Variants in ELF5 observed in about 807,000 individuals in gnomAD.
The protein encoded by ELF5 is ETS-related transcription factor Elf-5.
ELF5 carries 31 observed loss-of-function variants against 38.2 expected under a neutral mutation model. The observed-to-expected ratio is 0.81, with a 90% CI of 0.61 to 1.10. ELF5 has a LOEUF of 1.10. Ranked by LOEUF, ELF5 falls within the 50% of genes least tolerant of loss-of-function variation. The pLI is 0.00. For synonymous variants in ELF5, 121 were observed against 112.5 expected, an observed-to-expected ratio of 1.08 and a Z score of -0.48; for missense variants, 300 against 306.6, an observed-to-expected ratio of 0.98 and a Z score of 0.16.
At chr11:34,512,127 TC>T (rs1458825744) in intron 1 of ELF5, among the ~76,000 whole-genome samples, 1 of 152,106 alleles carries the variant, frequency 6.6e-6, no homozygotes, top group Non-Finnish European at 1.5e-5. Context: ...CCCTTGGACC[TC>T]CCTAAGAAGG....
At chr11:34,485,351 C>G (rs1056383835) in intron 4 of ELF5, among the ~76,000 whole-genome samples, 5 of 152,240 alleles carry the variant, frequency 3.3e-5, no homozygotes, top group Non-Finnish European at 5.9e-5. Flanking sequence ...CAGATGCTCA[C>G]TCAACCTTCC....
At chr11:34,502,920 G>A (rs2133896798) in intron 2 of ELF5, among the ~76,000 whole-genome samples, 1 of 152,326 alleles carries the variant, frequency 6.6e-6, no homozygotes, top group East Asian at 1.9e-4. Flanking sequence ...GAAGCCTCTG[G>A]CCAGAGAGCT....
intron 1 of ELF5, among the ~76,000 whole-genome samples, chr11:34,508,284 T>C (rs2924480): frequency 0.52 from 78,271 of 151,830 alleles, 22,341 homozygotes; most frequent in African/African-American, 0.77. Context: ...GGTGGGTCAC[T>C]TGAGGTCAGG....
At chr11:34,503,082 G>T (rs918625442) in intron 2 of ELF5, among the ~76,000 whole-genome samples, 1 of 152,178 alleles carries the variant, frequency 6.6e-6, no homozygotes, top group African/African-American at 2.4e-5. Flanking sequence ...ACAGTTCAGT[G>T]GCATTAAGTA....
At chr11:34,510,935 A>T (rs955311209) in intron 1 of ELF5, among the ~76,000 whole-genome samples, 11 of 152,152 alleles carry the variant, frequency 7.2e-5, no homozygotes, top group African/African-American at 2.4e-4. Flanking sequence ...CATACTTTTC[A>T]TTTTGTGAGG....
chr11:34,493,444 C>G, intron 3 of ELF5, 35 bp downstream of exon 3: 1 of 1,592,066 alleles, frequency 6.3e-7, no homozygotes, highest in Non-Finnish European at 8.6e-7. Flanking sequence ...TAATCCTGGT[C>G]CCTCCCCTGG....
intron 2 of ELF5, among the ~76,000 whole-genome samples, chr11:34,501,059 A>G (rs1850453873): frequency 6.6e-6 from 1 of 152,226 alleles, no homozygotes; most frequent in Non-Finnish European, 1.5e-5. Flanking sequence ...CAAAGGGAGA[A>G]AGTAAGGCTC....
At chr11:34,503,509 C>T (rs972535359) in intron 2 of ELF5, among the ~76,000 whole-genome samples, 7 of 151,646 alleles carry the variant, frequency 4.6e-5, no homozygotes, top group Non-Finnish European at 1.0e-4. Flanking sequence ...AGTGCAGTGG[C>T]GTGACTGCAG....
At chr11:34,495,073 G>A (rs1324825945) in intron 2 of ELF5, among the ~76,000 whole-genome samples, 2 of 152,186 alleles carry the variant, frequency 1.3e-5, no homozygotes, top group Non-Finnish European at 2.9e-5. Flanking sequence ...AAGAACCCAC[G>A]CCAGCGTGTG....
chr11:34,486,586 A>G (rs1206267795), intron 4 of ELF5, among the ~76,000 whole-genome samples: 4 of 152,170 alleles, frequency 2.6e-5, no homozygotes, highest in Non-Finnish European at 5.9e-5. Flanking sequence ...GTGTGTGTGC[A>G]TGTGTGAGTG....
intron 4 of ELF5, among the ~76,000 whole-genome samples, chr11:34,489,180 A>G (rs1184307550): frequency 6.6e-6 from 1 of 152,260 alleles, no homozygotes; most frequent in Non-Finnish European, 1.5e-5. Context: ...ACGAAATTCC[A>G]AAAACTTTTG....
chr11:34,482,340 A>G (rs777286917), intron 5 of ELF5, 91 bp downstream of exon 5: 30 of 1,251,616 alleles, frequency 2.4e-5, no homozygotes, highest in Non-Finnish European at 3.3e-5. Context: ...GTCCAACTCA[A>G]ACATTTAGTT....
Position 34,511,801 on chromosome 11 carries a change from T to C in ELF5, c.-5+1876A>G, listed in dbSNP as rs568817848. 14 of 550,430 alleles carry C rather than the reference T, an allele frequency of 2.5e-5. 1 individual carries two copies. Among genetic ancestry groups the C allele is most frequent in the Admixed American group, 1.9e-4 (6 of 31,132 alleles). 34.1% of individuals were successfully genotyped at this position (550,430 alleles called of 1,614,324 possible). A position where few individuals can be genotyped will look rare whatever the true frequency, so the allele number is the denominator to read the frequency against. On this transcript the variant is annotated intron_variant, in intron 1 of 6. Transcript: ENST00000257832. ...GGGGAAGGAGCAAACCACTCAGCCT[T>C]GGCCAGTTTGCCAGAGGAGGAAAAT...
At chr11:34,488,403 G>A (rs1275772072) in intron 4 of ELF5, among the ~76,000 whole-genome samples, 1 of 152,170 alleles carries the variant, frequency 6.6e-6, no homozygotes, top group African/African-American at 2.4e-5. Flanking sequence ...TGCCTTCTAA[G>A]CATGTCACCT....
At chr11:34,488,839 A>G (rs1424103072) in intron 4 of ELF5, among the ~76,000 whole-genome samples, 1 of 152,244 alleles carries the variant, frequency 6.6e-6, no homozygotes, top group Non-Finnish European at 1.5e-5. Flanking sequence ...CTTTGGCCAC[A>G]GTAATGTCTC....
At chr11:34,485,336 A>G (rs1317905672) in intron 4 of ELF5, among the ~76,000 whole-genome samples, 1 of 152,180 alleles carries the variant, frequency 6.6e-6, no homozygotes, top group African/African-American at 2.4e-5. Flanking sequence ...AGCATTTGCT[A>G]TTGTCAGATG....
intron 3 of ELF5, 91 bp downstream of exon 3, chr11:34,493,388 G>T (rs2133885153): frequency 8.0e-7 from 1 of 1,244,304 alleles, no homozygotes; most frequent in Non-Finnish European, 1.2e-6. Flanking sequence ...AAATTTTGCT[G>T]TGCAATTCAC....
chr11:34,509,167 T>A (rs374573605), intron 1 of ELF5, among the ~76,000 whole-genome samples: 4 of 152,046 alleles, frequency 2.6e-5, no homozygotes, highest in Admixed American at 6.6e-5. Context: ...CCGTCTCCAC[T>A]AAAAACACAA....
chr11:34,498,811 G>A (rs1033011674), intron 2 of ELF5, among the ~76,000 whole-genome samples: 1 of 152,084 alleles, frequency 6.6e-6, no homozygotes, highest in African/African-American at 2.4e-5. Context: ...TCATTTCCAG[G>A]TCGGGTGCAG....
Sources: gnomAD v4.1 joint callset for allele counts (sites outside exome capture counted in the v4.1 genomes callset) on GRCh38, gnomAD v4.1.1 for gene constraint, MANE v1.5 for transcripts, NCBI Gene and HGNC (gene_info 2026-07-23, HGNC 2026-07-21) for gene names.